The following GFM1 variants were observed in gnomAD, a reference collection of about 807,000 sequenced individuals.
GFM1 encodes the protein G elongation factor mitochondrial 1.
Under a neutral mutation model 96.2 loss-of-function variants are expected in GFM1, and 62 were observed. That is an observed-to-expected ratio of 0.64 (90% CI 0.53 to 0.80). GFM1 has a LOEUF of 0.80. Ranked by LOEUF, GFM1 falls within the 30% of genes least tolerant of loss-of-function variation. The pLI is 0.00. For missense variants in GFM1, 852 were observed against 916.6 expected, an observed-to-expected ratio of 0.93 and a Z score of 0.91; for synonymous variants, 282 against 312.9, an observed-to-expected ratio of 0.90 and a Z score of 1.04.
intron 13 of GFM1, among the ~76,000 whole-genome samples, chr3:158,676,984 G>A (rs969593718): frequency 1.3e-5 from 2 of 152,192 alleles, no homozygotes; most frequent in African/African-American, 4.8e-5. Context: ...ACAGGCATGA[G>A]CCGCCACGCC....
chr3:158,662,786 T>G, intron 11 of GFM1, 102 bp downstream of exon 11: 2 of 777,542 alleles, frequency 2.6e-6, no homozygotes, highest in Non-Finnish European at 4.7e-6. Context: ...CCAGCAGTCT[T>G]ATGGTCTCTA....
intron 13 of GFM1, among the ~76,000 whole-genome samples, chr3:158,676,224 A>G (rs6441220): frequency 0.58 from 87,915 of 152,032 alleles, 26,253 homozygotes; most frequent in African/African-American, 0.73. Context: ...CCGAGATTGC[A>G]CCAGTGCACT....
chr3:158,646,385 T>C, intron 3 of GFM1, 88 bp downstream of exon 3: 1 of 1,333,740 alleles, frequency 7.5e-7, no homozygotes, highest in Admixed American at 1.7e-5. Context: ...AGTTTTTGAT[T>C]GTCAAATACT....
rs1443466715 is a variant in GFM1, at chr3:158,691,756, G to A, written c.*289G>A. The A allele has an allele frequency of 1.8e-5, 5 of 279,388 alleles. No homozygotes were observed. Among genetic ancestry groups the A allele is most frequent in the South Asian group, 1.6e-4 (4 of 25,374 alleles). 17.3% of individuals were successfully genotyped at this position (279,388 alleles called of 1,614,324 possible). A position where few individuals can be genotyped will look rare whatever the true frequency, so the allele number is the denominator to read the frequency against. The stretch of plus-strand genomic sequence containing the variant: ...ATATGTTTAATATTTAAGGGGAAAA[G>A]AGACTAATTTCAGTTATACTTTTAA... On this transcript the variant is annotated 3_prime_UTR_variant, in exon 18 of 18. Coordinates refer to ENST00000486715, the MANE Select transcript of GFM1 (RefSeq NM_024996.7).
chr3:158,680,126 A>T (rs538435939), intron 13 of GFM1, among the ~76,000 whole-genome samples: 1 of 152,222 alleles, frequency 6.6e-6, no homozygotes, highest in South Asian at 2.1e-4. Context: ...GTTGAAAACA[A>T]TGTGGCCCTG....
chr3:158,691,139 G>C lies in GFM1; in HGVS notation c.2071G>C (p.Val691Leu). The C allele has an allele frequency of 6.2e-7, 1 of 1,606,990 alleles. No homozygotes were observed. Among genetic ancestry groups the C allele is most frequent in the Non-Finnish European group, 8.5e-7 (1 of 1,173,756 alleles). The stretch of plus-strand genomic sequence containing the variant: ...AAATATCTACTATGTTTGTTTTCAG[G>C]TCCCTCTAAATGATATGTTTGGTTA... The part of the protein sequence containing the change: ...VEDYFTLYAD[V>L]PLNDMFGYST... Residue 691 changes from valine to leucine, a missense_variant and splice_region_variant, in exon 17 of 18, where the codon GTC becomes CTC. Transcript: ENST00000486715.
intron 6 of GFM1, 67 bp downstream of exon 6, chr3:158,652,313 G>A (rs964267142): frequency 3.0e-6 from 4 of 1,343,964 alleles, no homozygotes; most frequent in South Asian, 1.2e-5. Context: ...TGTAGGGAGG[G>A]GACATGATGC....
At chr3:158,683,817 A>G (rs1725607331) in intron 14 of GFM1, among the ~76,000 whole-genome samples, 1 of 152,236 alleles carries the variant, frequency 6.6e-6, no homozygotes, top group Non-Finnish European at 1.5e-5. Flanking sequence ...TTAGCATTCT[A>G]AGCATTGCTT....
chr3:158,644,759 C>T (rs1355421285), intron 1 of GFM1, 44 bp downstream of exon 1: 2 of 1,489,320 alleles, frequency 1.3e-6, no homozygotes, highest in East Asian at 2.4e-5. Flanking sequence ...TTCCCGGAAC[C>T]TTGTGATCCC....
chr3:158,648,449 C>G (rs371108272), intron 4 of GFM1, among the ~76,000 whole-genome samples: 2 of 151,966 alleles, frequency 1.3e-5, no homozygotes, highest in East Asian at 1.9e-4. Context: ...GAGGCCGAGG[C>G]GGGTGGATCA....
rs142632081 is a variant in GFM1 at position 158,668,438 on chromosome 3, T to C, written c.1601+2052T>C. ...TTTGTATCCATAGATGCAGAACCCA[T>C]GGAGAGGCCTGACTGTATATTGTAC... On this transcript the variant is annotated intron_variant, in intron 13 of 17. Coordinates refer to ENST00000486715, the MANE Select transcript of GFM1 (RefSeq NM_024996.7). Among the ~76,000 whole-genome samples, 536 of 152,294 alleles carry C rather than the reference T, an allele frequency of 3.5e-3. 3 individuals carry two copies. The highest frequency in any genetic ancestry group is 0.012 in the African/African-American group (511 of 41,566).
intron 13 of GFM1, chr3:158,669,241 AT>A: frequency 7.7e-7 from 1 of 1,294,824 alleles, no homozygotes. Context: ...TGTGCAAAAA[AT>A]AATTTAATTA....
chr3:158,669,153 A>T (rs1724019938), intron 13 of GFM1: 1 of 1,601,860 alleles, frequency 6.2e-7, no homozygotes, highest in African/African-American at 1.3e-5. Context: ...ACACATTTAT[A>T]TGATAATCAT....
At chr3:158,648,547 G>A (rs1052844451) in intron 4 of GFM1, among the ~76,000 whole-genome samples, 7 of 151,892 alleles carry the variant, frequency 4.6e-5, no homozygotes, top group Admixed American at 2.0e-4. Flanking sequence ...GCGTGGTGGC[G>A]GGCACCTGTA....
chr3:158,649,726 G>A (rs1421369421), intron 5 of GFM1: 2 of 387,544 alleles, frequency 5.2e-6, no homozygotes, highest in Non-Finnish European at 4.7e-6. Context: ...TACCTACAAA[G>A]TACTGTAATT....
At chr3:158,674,683 A>G (rs1439379785) in intron 13 of GFM1, among the ~76,000 whole-genome samples, 2 of 152,198 alleles carry the variant, frequency 1.3e-5, no homozygotes, top group Non-Finnish European at 2.9e-5. Flanking sequence ...TTTATTAATA[A>G]CATGGCTTAT....
At position 158,672,546 on chromosome 3, in the gene GFM1, C is replaced by T. The variant is rs1724445827; in HGVS notation, c.1601+6160C>T. ...AACGGGACCAGTAGCAGAGCGCCGCCCGTCCTGCTTGCTGCTGGGTCCGGT... is the reference window on the plus strand; with the variant it reads ...AACGGGACCAGTAGCAGAGCGCCGCTCGTCCTGCTTGCTGCTGGGTCCGGT... On this transcript the variant is annotated intron_variant, in intron 13 of 17. Transcript: ENST00000486715. The T allele has an allele frequency of 6.9e-6, 11 of 1,591,424 alleles. No individual in the cohort carries two copies. In the South Asian group the frequency reaches 1.0e-4, roughly 15 times the overall value.
chr3:158,677,976 C>T (rs917100780), intron 13 of GFM1, among the ~76,000 whole-genome samples: 3 of 152,186 alleles, frequency 2.0e-5, no homozygotes, highest in Admixed American at 1.3e-4. Flanking sequence ...GACAGTGCCC[C>T]TTTCTCATTG....
Position 158,652,206 on chromosome 3 carries a change from T to A in GFM1, c.800T>A (p.Met267Lys), listed in dbSNP as rs1335700805. The A allele has an allele frequency of 1.2e-6, 2 of 1,614,052 alleles. No individual in the cohort carries two copies. The highest frequency in any genetic ancestry group is 1.7e-6 in the Non-Finnish European group (2 of 1,180,008). Reference protein sequence around the residue: ...VANSDEQLGEMFLEEKIPSIS... With the variant: ...VANSDEQLGEKFLEEKIPSIS... ...AATTCAGATGAACAGCTTGGTGAGA[T>A]GTTTCTGGAAGAAAAAATCCCCTCG... The change falls in exon 6 of 18, where the codon ATG becomes AAG. Residue 267 changes from methionine (M) to lysine (K), a missense_variant. Coordinates refer to ENST00000486715, the MANE Select transcript of GFM1 (RefSeq NM_024996.7).
Sources: allele counts gnomAD v4.1 joint callset (sites outside exome capture counted in the v4.1 genomes callset), GRCh38; gene constraint gnomAD v4.1.1; transcripts MANE v1.5; gene names NCBI Gene and HGNC (gene_info 2026-07-23, HGNC 2026-07-21).